Variants in CABCOCO1 observed in about 807,000 individuals in gnomAD.
CABCOCO1 encodes ciliary associated calcium binding coiled-coil 1.
Under a neutral mutation model 35.7 loss-of-function variants are expected in CABCOCO1, and 28 were observed. The observed-to-expected ratio is 0.78, with a 90% confidence interval of 0.58 to 1.07. CABCOCO1 has a LOEUF of 1.07. CABCOCO1 is among the 50% of genes least tolerant of loss of function. The pLI is 0.00. For synonymous variants in CABCOCO1, 95 were observed against 100.1 expected, an observed-to-expected ratio of 0.95 and a Z score of 0.30; for missense variants, 326 against 309.2, an observed-to-expected ratio of 1.05 and a Z score of -0.41.
In CABCOCO1 at chr10:61,740,083, C is replaced by T. The variant is rs533305167; in HGVS notation, c.553-19976C>T. Among the ~76,000 whole-genome samples, 31 of 152,188 alleles carry T rather than the reference C, an allele frequency of 2.0e-4. No individual in the cohort carries two copies. The East Asian group carries it at 5.0e-3, about 25-fold the overall frequency. ...GAGAAGTTGTGCCATTAGTATAATT[C>T]GAAGCCAATTTTTCATAATAATAAT... On this transcript the variant is annotated intron_variant, in intron 5 of 7. Transcript: ENST00000648843.
intron 5 of CABCOCO1, among the ~76,000 whole-genome samples, chr10:61,694,408 G>A (rs1459115467): frequency 1.3e-5 from 2 of 150,676 alleles, no homozygotes; most frequent in African/African-American, 4.9e-5. Flanking sequence ...TTTAGTGTGT[G>A]GCATATACAA....
intron 2 of CABCOCO1, among the ~76,000 whole-genome samples, chr10:61,678,677 A>C (rs951752194): frequency 2.6e-5 from 4 of 152,168 alleles, no homozygotes; most frequent in Admixed American, 2.6e-4. Flanking sequence ...TTACAAGATA[A>C]CTGGCGGTAG....
intron 1 of CABCOCO1, among the ~76,000 whole-genome samples, chr10:61,667,494 A>G (rs1376605875): frequency 6.6e-6 from 1 of 151,606 alleles, no homozygotes; most frequent in Non-Finnish European, 1.5e-5. Flanking sequence ...TCATTACATT[A>G]CATTTATAAT....
intron 7 of CABCOCO1, 112 bp downstream of exon 7, chr10:61,761,115 C>G: frequency 8.8e-7 from 1 of 1,133,234 alleles, no homozygotes; most frequent in South Asian, 1.5e-5. Context: ...ATGCTTATGA[C>G]GAAGTTCAAT....
intron 5 of CABCOCO1, among the ~76,000 whole-genome samples, chr10:61,727,886 T>C (rs1386167869): frequency 6.6e-6 from 1 of 152,210 alleles, no homozygotes; most frequent in African/African-American, 2.4e-5. Context: ...TTCATCCCTC[T>C]ATATATAAAC....
chr10:61,681,341 A>T, intron 3 of CABCOCO1, 29 bp downstream of exon 3: 1 of 1,444,370 alleles, frequency 6.9e-7, no homozygotes, highest in Non-Finnish European at 9.5e-7. Context: ...TTTGAAGTAA[A>T]ACAAATTTAA....
intron 5 of CABCOCO1, among the ~76,000 whole-genome samples, chr10:61,698,083 T>C (rs1278166893): frequency 6.6e-6 from 1 of 152,126 alleles, no homozygotes; most frequent in Admixed American, 6.6e-5. Flanking sequence ...ACACATCAAA[T>C]CTTAGATCAT....
At chr10:61,716,022 G>A (rs1246070316) in intron 5 of CABCOCO1, among the ~76,000 whole-genome samples, 1 of 151,736 alleles carries the variant, frequency 6.6e-6, no homozygotes, top group African/African-American at 2.4e-5. Context: ...TATCTCTGTG[G>A]AATTAAAATA....
chr10:61,765,577 G>C (rs566385892), intron 7 of CABCOCO1, among the ~76,000 whole-genome samples: 5 of 152,272 alleles, frequency 3.3e-5, no homozygotes, highest in African/African-American at 1.2e-4. Flanking sequence ...ATGGTGGAGG[G>C]ACCCACAGCA....
At chr10:61,723,323 T>C (rs538958278) in intron 5 of CABCOCO1, among the ~76,000 whole-genome samples, 4 of 152,330 alleles carry the variant, frequency 2.6e-5, no homozygotes, top group Admixed American at 1.3e-4. Context: ...AAAATACGAA[T>C]ATAAGAATAT....
rs769629521 is a variant in CABCOCO1, at chr10:61,760,132, T to A, written c.626T>A (p.Ile209Asn). 8.1e-6 allele frequency: 13 copies of A among 1,612,104 alleles called. No individual in the cohort carries two copies. Among genetic ancestry groups the A allele is most frequent in the Non-Finnish European group, 1.1e-5 (13 of 1,178,590 alleles). ...CTGGAAGAAGGAATCTCATTTGATA[T>A]TTATTCAACATTCATAGAGCCCCCC... is the stretch of plus-strand genomic sequence containing the variant. ...NPLEEGISFD[I>N]YSTFIEPPTI... The change falls in exon 6 of 8, where the codon ATT (isoleucine) becomes AAT (asparagine). Residue 209 changes from isoleucine (I) to asparagine (N), a missense_variant. Physicochemically the swap from Ile to Asn is moderately radical, Grantham distance 149. Transcript: ENST00000648843.
At chr10:61,681,740 CA>C (rs1235877713) in intron 3 of CABCOCO1, among the ~76,000 whole-genome samples, 1 of 151,890 alleles carries the variant, frequency 6.6e-6, no homozygotes, top group Non-Finnish European at 1.5e-5. Context: ...GTATGGGAAA[CA>C]ATATATAGTT....
At chr10:61,717,426 A>G (rs1200551538) in intron 5 of CABCOCO1, among the ~76,000 whole-genome samples, 1 of 152,208 alleles carries the variant, frequency 6.6e-6, no homozygotes, top group Non-Finnish European at 1.5e-5. Context: ...ATATAATATT[A>G]ACATCTTTAA....
chr10:61,681,065 C>A (rs1839776730), intron 2 of CABCOCO1, 78 bp from the exon 3 acceptor site: 1 of 810,792 alleles, frequency 1.2e-6, no homozygotes, highest in African/African-American at 2.1e-5. Flanking sequence ...AAGAAAAAGA[C>A]CTGTTTTCAA....
chr10:61,733,832 G>A (rs1339462454), intron 5 of CABCOCO1, among the ~76,000 whole-genome samples: 1 of 151,910 alleles, frequency 6.6e-6, no homozygotes, highest in East Asian at 1.9e-4. Flanking sequence ...AGAGGAGAGA[G>A]CATAATCAGT....
chr10:61,740,926 C>G (rs781115366), intron 5 of CABCOCO1, among the ~76,000 whole-genome samples: 7 of 152,092 alleles, frequency 4.6e-5, no homozygotes, highest in Non-Finnish European at 1.0e-4. Context: ...GTGGGAGGAT[C>G]ATTTGAGGTC....
intron 5 of CABCOCO1, among the ~76,000 whole-genome samples, chr10:61,726,254 G>A (rs1407423031): frequency 6.6e-6 from 1 of 152,100 alleles, no homozygotes; most frequent in Non-Finnish European, 1.5e-5. Context: ...TTCTCAATAA[G>A]AAATCGATTA....
Position 61,721,148 on chromosome 10 carries a change from TC to T in CABCOCO1, c.552+30528del, listed in dbSNP as rs1262928188. Among the ~76,000 whole-genome samples, 4 of 151,818 alleles carry T rather than the reference TC, an allele frequency of 2.6e-5. No individual in the cohort carries two copies. In the East Asian group the frequency reaches 7.8e-4, roughly 30 times the overall value. ...ACCGTGTTAGCCAGGATGGTCTCGA[TC>T]TCCTGACCTCATGATCCACCCGTCT... On this transcript the variant is annotated intron_variant, in intron 5 of 7. Coordinates refer to ENST00000648843, the MANE Select transcript of CABCOCO1 (RefSeq NM_001366906.2).
At chr10:61,759,241 C>G (rs750354154) in intron 5 of CABCOCO1, among the ~76,000 whole-genome samples, 19 of 151,990 alleles carry the variant, frequency 1.3e-4, no homozygotes, top group Non-Finnish European at 2.6e-4. Flanking sequence ...GTGGGCACGT[C>G]TCTACAGATC....
Sources: allele counts gnomAD v4.1 joint callset (sites outside exome capture counted in the v4.1 genomes callset), GRCh38; gene constraint gnomAD v4.1.1; transcripts MANE v1.5; gene names NCBI Gene and HGNC (gene_info 2026-07-23, HGNC 2026-07-21).